The following TSPAN18 variants were observed in gnomAD, a reference collection of about 807,000 sequenced individuals.
TSPAN18 encodes tetraspanin 18, also known as tetraspanin-18.
TSPAN18 carries 14 observed loss-of-function variants against 27.3 expected under a neutral mutation model. The observed-to-expected ratio is 0.51, with a 90% CI of 0.34 to 0.80. The LOEUF (loss-of-function observed/expected upper bound fraction) is 0.80, where lower values mean the gene tolerates loss of function less well. Among genes scored for constraint, TSPAN18 ranks in the 30% least tolerant of loss-of-function variants. The pLI is 0.01. For synonymous variants in TSPAN18, 143 were observed against 136.5 expected (o/e 1.05, Z -0.33); for missense variants, 268 against 323.9 (o/e 0.83, Z 1.32).
chr11:44,732,775 C>T (rs1410332882), intron 1 of TSPAN18, among the ~76,000 whole-genome samples: 1 of 152,198 alleles, frequency 6.6e-6, no homozygotes, highest in Non-Finnish European at 1.5e-5. Flanking sequence ...AATCCCGATT[C>T]TGCAATTTAC....
chr11:44,802,864 G>A (rs1035319682), intron 2 of TSPAN18, among the ~76,000 whole-genome samples: 2 of 152,282 alleles, frequency 1.3e-5, no homozygotes, highest in Admixed American at 6.5e-5. Flanking sequence ...TTTTATTATT[G>A]TTGTTCAGAG....
intron 2 of TSPAN18, among the ~76,000 whole-genome samples, chr11:44,829,989 GA>G (rs1857122453): frequency 6.6e-6 from 1 of 152,222 alleles, no homozygotes; most frequent in Non-Finnish European, 1.5e-5. Context: ...ACTGCACTGA[GA>G]ATAAAATTCC....
At position 44,930,548 on chromosome 11, in the gene TSPAN18, A is replaced by G. The variant is rs1396478854; in HGVS notation, c.*1370A>G. 1.5e-5 allele frequency: 4 copies of G among 270,672 alleles called. No homozygotes were observed. The highest frequency in any genetic ancestry group is 6.7e-5 in the African/African-American group (3 of 44,514). 16.8% of individuals were successfully genotyped at this position (270,672 alleles called of 1,614,324 possible). A position where few individuals can be genotyped will look rare whatever the true frequency, so the allele number is the denominator to read the frequency against. On this transcript the variant is annotated 3_prime_UTR_variant, in exon 10 of 10. Transcript: ENST00000520358. ...TTTCCTGTCTCTTCACTGTCCGCAC[A>G]TTTCTTAGTATTCCCTCCAGGCTTG...
intron 5 of TSPAN18, among the ~76,000 whole-genome samples, chr11:44,913,040 C>T (rs563461825): frequency 3.9e-5 from 6 of 152,338 alleles, no homozygotes; most frequent in South Asian, 2.1e-4. Context: ...TCTCCCTTCC[C>T]GGCTGAACCT....
chr11:44,902,046 C>T (rs1859280818), intron 3 of TSPAN18, among the ~76,000 whole-genome samples: 1 of 152,124 alleles, frequency 6.6e-6, no homozygotes, highest in African/African-American at 2.4e-5. Flanking sequence ...CTGAAGTCAG[C>T]CAAGAGCTGA....
At chr11:44,749,632 C>CTTTTTTTTT (rs71894571) in intron 1 of TSPAN18, among the ~76,000 whole-genome samples, 26 of 110,436 alleles carry the variant, frequency 2.4e-4, no homozygotes, top group African/African-American at 7.6e-4. Context: ...GTGGAACTTT[C>CTTTTTTTTT]TTTTTTTTTT....
chr11:44,894,146 C>G (rs139120386), intron 3 of TSPAN18, among the ~76,000 whole-genome samples: 71 of 152,332 alleles, frequency 4.7e-4, no homozygotes, highest in Middle Eastern at 6.8e-3. Flanking sequence ...CCCTCATCAT[C>G]CCCTTGCATC....
At chr11:44,813,806 C>T (rs999206634) in intron 2 of TSPAN18, among the ~76,000 whole-genome samples, 27 of 152,212 alleles carry the variant, frequency 1.8e-4, no homozygotes, top group Admixed American at 8.5e-4. Flanking sequence ...GGCAGACTAT[C>T]ACAGAGGGCT....
chr11:44,810,931 A>G (rs1005578410), intron 2 of TSPAN18, among the ~76,000 whole-genome samples: 14 of 152,090 alleles, frequency 9.2e-5, no homozygotes, highest in Admixed American at 8.5e-4. Context: ...TTTTGAGTAT[A>G]TAGTGGTTTC....
At position 44,906,325 on chromosome 11, in the gene TSPAN18, C is replaced by T. The variant is rs111476483; in HGVS notation, c.-10-82C>T. 1,431 of 1,264,198 alleles carry T rather than the reference C, an allele frequency of 1.1e-3. 21 individuals are homozygous for T. The East Asian group carries it at 0.022, about 20-fold the overall frequency. 78.3% of individuals were successfully genotyped at this position (1,264,198 alleles called of 1,614,324 possible). A position where few individuals can be genotyped will look rare whatever the true frequency, so the allele number is the denominator to read the frequency against. Reference sequence around the variant, plus strand: ...GCCTTTGCAAGGGTGGGGCTGGCTGCGGGGAACCCCTGGGGAGGGGCTGGG... The same window carrying T: ...GCCTTTGCAAGGGTGGGGCTGGCTGTGGGGAACCCCTGGGGAGGGGCTGGG... On this transcript the variant is annotated intron_variant, in intron 3 of 9. Transcript: ENST00000520358.
At chr11:44,883,533 C>T (rs962947571) in intron 3 of TSPAN18, among the ~76,000 whole-genome samples, 2 of 152,218 alleles carry the variant, frequency 1.3e-5, no homozygotes, top group Non-Finnish European at 2.9e-5. Flanking sequence ...AAGGCCAAGG[C>T]CACACAGGTA....
intron 2 of TSPAN18, among the ~76,000 whole-genome samples, chr11:44,813,755 C>T (rs775995790): frequency 1.3e-4 from 20 of 152,196 alleles, no homozygotes; most frequent in Non-Finnish European, 2.5e-4. Context: ...AGGCACAAAA[C>T]CTTGCCTGGA....
intron 8 of TSPAN18, among the ~76,000 whole-genome samples, chr11:44,925,497 C>T (rs1488665733): frequency 1.3e-5 from 2 of 152,180 alleles, no homozygotes; most frequent in Non-Finnish European, 1.5e-5. Context: ...CACCACCTGG[C>T]CACTAGTCCC....
At chr11:44,799,339 C>A (rs1284794524) in intron 2 of TSPAN18, among the ~76,000 whole-genome samples, 1 of 152,206 alleles carries the variant, frequency 6.6e-6, no homozygotes, top group South Asian at 2.1e-4. Context: ...GCGGCCACTG[C>A]CCTTGCACAC....
At chr11:44,808,608 C>T (rs915333924) in intron 2 of TSPAN18, among the ~76,000 whole-genome samples, 4 of 152,036 alleles carry the variant, frequency 2.6e-5, no homozygotes, top group East Asian at 1.9e-4. Flanking sequence ...GAGGTGAGGA[C>T]GTGGAACAGG....
rs533032652 is a variant in TSPAN18, at chr11:44,762,615, A to ATGTG, written c.-239-1793_-239-1790dup. 2.6e-3 allele frequency among the ~76,000 whole-genome samples: 385 copies of ATGTG among 149,960 alleles called. 1 individual carries two copies. The highest frequency in any genetic ancestry group is 5.4e-3 in the African/African-American group (221 of 40,968). On this transcript the variant is annotated intron_variant, in intron 1 of 9. Coordinates refer to ENST00000520358, the MANE Select transcript of TSPAN18 (RefSeq NM_130783.5). The stretch of plus-strand genomic sequence containing the variant: ...CAAGGTCATACCTATATATACACAT[A>ATGTG]TGTGTGTGTGTGTGTGTGTGTTTGT...
chr11:44,826,099 C>T (rs534835241), intron 2 of TSPAN18, among the ~76,000 whole-genome samples: 1 of 152,314 alleles, frequency 6.6e-6, no homozygotes, highest in East Asian at 1.9e-4. Flanking sequence ...GGGGCCATCG[C>T]AGAAAGGAAG....
At chr11:44,891,893 G>T (rs772500166) in intron 3 of TSPAN18, among the ~76,000 whole-genome samples, 1 of 152,190 alleles carries the variant, frequency 6.6e-6, no homozygotes, top group Non-Finnish European at 1.5e-5. Context: ...AAGCACGAAC[G>T]TAGGCAGGAG....
chr11:44,917,754 G>A (rs1261886044), intron 5 of TSPAN18: 5 of 588,442 alleles, frequency 8.5e-6, no homozygotes, highest in Non-Finnish European at 1.5e-5. Context: ...GTATATATTT[G>A]TTTATTCTTT....
Sources: gnomAD v4.1 joint callset for allele counts (sites outside exome capture counted in the v4.1 genomes callset) on GRCh38, gnomAD v4.1.1 for gene constraint, MANE v1.5 for transcripts, NCBI Gene and HGNC (gene_info 2026-07-23, HGNC 2026-07-21) for gene names.